Variants in SERPINB12 observed in about 807,000 individuals in gnomAD.
SERPINB12 encodes the protein serpin family B member 12, also known as serpin B12.
SERPINB12 carries 57 observed loss-of-function variants against 41.1 expected under a neutral mutation model. The ratio of observed to expected loss-of-function variants is 1.39; its 90% confidence interval spans 1.12 to 1.73. The LOEUF (loss-of-function observed/expected upper bound fraction) is 1.73, where lower values mean the gene tolerates loss of function less well. Among genes scored for constraint, SERPINB12 ranks in the 40% most tolerant of loss-of-function variants. The probability of loss-of-function intolerance (pLI) is 0.00; values close to 1 mark genes in which losing one functional copy is unlikely to be tolerated. For synonymous variants in SERPINB12, 180 were observed against 181.3 expected (o/e 0.99, Z 0.06); for missense variants, 536 against 501.9 (o/e 1.07, Z -0.65).
chr18:63,535,271 C>A, the SERPINB12 span, among the ~76,000 whole-genome samples: 77 of 152,158 alleles, frequency 5.1e-4, no homozygotes, highest in Admixed American at 9.8e-4. Context: ...ATAAAAGGGG[C>A]AGTAATAACT....
intron 5 of SERPINB12, among the ~76,000 whole-genome samples, chr18:63,561,908 G>A (rs1334118994): frequency 1.3e-5 from 2 of 152,096 alleles, no homozygotes; most frequent in African/African-American, 4.8e-5. Context: ...AGGGAGAGAG[G>A]AATGGGTTGA....
the SERPINB12 span, among the ~76,000 whole-genome samples, chr18:63,530,250 G>T: frequency 6.6e-6 from 1 of 152,150 alleles, no homozygotes; most frequent in African/African-American, 2.4e-5. Flanking sequence ...GTGTTTTGAG[G>T]ATAGGGTGGG....
chr18:63,527,821 A>T, the SERPINB12 span, among the ~76,000 whole-genome samples: 1 of 152,160 alleles, frequency 6.6e-6, no homozygotes, highest in African/African-American at 2.4e-5. Flanking sequence ...TAGGTAATTG[A>T]TATGGTTTGG....
At chr18:63,519,278 T>C in the SERPINB12 span, among the ~76,000 whole-genome samples, 1 of 152,200 alleles carries the variant, frequency 6.6e-6, no homozygotes, top group Non-Finnish European at 1.5e-5. Flanking sequence ...CTAGTTTAGC[T>C]TCCTTAAGAC....
the SERPINB12 span, among the ~76,000 whole-genome samples, chr18:63,532,916 A>C: frequency 6.6e-6 from 1 of 152,108 alleles, no homozygotes; most frequent in East Asian, 1.9e-4. Context: ...AACTTGACCT[A>C]ACAGGTAATA....
intron 1 of SERPINB12, among the ~76,000 whole-genome samples, chr18:63,548,486 G>T (rs187853165): frequency 6.6e-6 from 1 of 151,922 alleles, no homozygotes; most frequent in African/African-American, 2.4e-5. Context: ...ACAATTTTCA[G>T]TAAATAAGAG....
Position 63,567,959 on chromosome 18 carries a change from C to CAT in SERPINB12, c.*948_*949insAT, listed in dbSNP as rs1568134726. On this transcript the variant is annotated 3_prime_UTR_variant, in exon 8 of 8. Transcript: ENST00000382768. ...TGCCCCTCTCTCTGCCTTCTGGCCA[C>CAT]GTGGAGGCTGGCCTCCGTGTGCCCC... Among the ~76,000 whole-genome samples the CAT allele has an allele frequency of 2.1e-5, 3 of 144,142 alleles. No individual in the cohort carries two copies. Among genetic ancestry groups the CAT allele is most frequent in the Non-Finnish European group, 3.1e-5 (2 of 64,624 alleles). The allele number at this position is 144,142 out of a possible 152,430, so 94.6% of individuals were successfully genotyped here.
chr18:63,533,167 G>A, the SERPINB12 span, among the ~76,000 whole-genome samples: 10 of 152,120 alleles, frequency 6.6e-5, no homozygotes, highest in South Asian at 2.1e-4. Context: ...TAGTAGAGAC[G>A]GGGTTTCACC....
At chr18:63,525,930 A>G in the SERPINB12 span, among the ~76,000 whole-genome samples, 1 of 152,222 alleles carries the variant, frequency 6.6e-6, no homozygotes, top group African/African-American at 2.4e-5. Context: ...TGAAAGACTT[A>G]CACAAAGATC....
chr18:63,558,307 C>T (rs758311185), intron 2 of SERPINB12, 45 bp from the exon 3 acceptor site: 1 of 1,578,094 alleles, frequency 6.3e-7, no homozygotes, highest in Admixed American at 1.9e-5. Flanking sequence ...TTCAGGCTTC[C>T]CTCTGTTCAT....
chr18:63,561,142 CA>C lies in SERPINB12; in HGVS notation c.509del (p.Asn170ThrfsTer39), dbSNP rs760486497. The C allele has an allele frequency of 3.9e-5, 63 of 1,612,774 alleles. No individual in the cohort carries two copies. In the African/African-American group the frequency reaches 6.5e-4, roughly 17 times the overall value. Reference protein sequence around the residue: ...YHTTIESVDFQKNPEKSRQEI... With the variant: ...YHTTIESVDFXKNPEKSRQEI... ...CACGACGATTGAAAGTGTTGATTTC[CA>C]AAAAAACCCTGAAAAATCCAGACAA... On this transcript the variant is annotated frameshift_variant, in exon 5 of 8. Transcript: ENST00000382768. LOFTEE classifies it high-confidence loss of function.
the SERPINB12 span, among the ~76,000 whole-genome samples, chr18:63,535,795 G>A: frequency 2.0e-5 from 3 of 151,906 alleles, no homozygotes; most frequent in Non-Finnish European, 4.4e-5. Context: ...TAATAGACAG[G>A]ATGTATGCAA....
the SERPINB12 span, among the ~76,000 whole-genome samples, chr18:63,528,749 A>G: frequency 6.6e-6 from 1 of 152,188 alleles, no homozygotes. Flanking sequence ...GTCCTCACAA[A>G]TGGAATGTAA....
In SERPINB12 at chr18:63,568,027, A is replaced by G. The variant is rs72483053; in HGVS notation, c.*1016A>G. Among the ~76,000 whole-genome samples, 5,408 of 152,092 alleles carry G rather than the reference A, an allele frequency of 0.036. 311 individuals carry two copies. Among genetic ancestry groups the G allele is most frequent in the East Asian group, 0.3 (1,516 of 5,138 alleles). On this transcript the variant is annotated 3_prime_UTR_variant, in exon 8 of 8. Coordinates refer to ENST00000382768, the MANE Select transcript of SERPINB12 (RefSeq NM_001307928.2). ...CACGTGGACTTTTGTGTCTTCCGAG[A>G]GGTCTCATGCCAGACCACATGGTGA...
chr18:63,559,763 T>C, intron 4 of SERPINB12, 45 bp downstream of exon 4: 2 of 1,602,426 alleles, frequency 1.2e-6, no homozygotes, highest in Non-Finnish European at 8.5e-7. Flanking sequence ...TGTAGCATAC[T>C]ATTTAAAAAT....
chr18:63,554,950 G>A (rs1020505146), intron 1 of SERPINB12, among the ~76,000 whole-genome samples: 1 of 152,150 alleles, frequency 6.6e-6, no homozygotes, highest in African/African-American at 2.4e-5. Flanking sequence ...GTGTTTGGCA[G>A]TTCCTCCTTT....
At chr18:63,520,935 G>A in the SERPINB12 span, among the ~76,000 whole-genome samples, 2 of 152,232 alleles carry the variant, frequency 1.3e-5, no homozygotes, top group African/African-American at 4.8e-5. Flanking sequence ...TAAACTAACT[G>A]TGTGTATTCA....
At chr18:63,524,354 A>T in the SERPINB12 span, among the ~76,000 whole-genome samples, 1 of 152,098 alleles carries the variant, frequency 6.6e-6, no homozygotes, top group Non-Finnish European at 1.5e-5. Context: ...CAGTGGCATG[A>T]TCTCAGCTGA....
chr18:63,562,994 G>C (rs1910964472), intron 5 of SERPINB12, among the ~76,000 whole-genome samples: 1 of 152,280 alleles, frequency 6.6e-6, no homozygotes, highest in South Asian at 2.1e-4. Flanking sequence ...ATTGTGGAAG[G>C]AGCCCCAGAG....
Sources: allele counts gnomAD v4.1 joint callset (sites outside exome capture counted in the v4.1 genomes callset), GRCh38; gene constraint gnomAD v4.1.1; transcripts MANE v1.5; gene names NCBI Gene and HGNC (gene_info 2026-07-23, HGNC 2026-07-21).